The following CCM2 variants were observed in gnomAD, a reference collection of about 807,000 sequenced individuals.
CCM2 encodes CCM2 scaffold protein.
CCM2 carries 25 observed loss-of-function variants against 44.9 expected under a neutral mutation model. The observed-to-expected ratio is 0.56, with a 90% CI of 0.41 to 0.78. The LOEUF (loss-of-function observed/expected upper bound fraction) is 0.78, where lower values mean the gene tolerates loss of function less well. CCM2 is among the 30% of genes least tolerant of loss of function. CCM2 has a pLI of 0.00. For synonymous variants in CCM2, 219 were observed against 241.1 expected, an observed-to-expected ratio of 0.91 and a Z score of 0.85; for missense variants, 481 against 580.6, an observed-to-expected ratio of 0.83 and a Z score of 1.76.
intron 1 of CCM2, among the ~76,000 whole-genome samples, chr7:45,001,383 A>G (rs1252532234): frequency 1.3e-5 from 2 of 152,364 alleles, no homozygotes; most frequent in East Asian, 3.9e-4. Flanking sequence ...AAGATGTTTT[A>G]AGTCTGGAAA....
intron 1 of CCM2, among the ~76,000 whole-genome samples, chr7:45,016,475 G>A (rs1215229323): frequency 1.3e-5 from 2 of 151,028 alleles, no homozygotes; most frequent in African/African-American, 2.4e-5. Flanking sequence ...GATTACTGGC[G>A]CATGCCACCA....
intron 9 of CCM2, among the ~76,000 whole-genome samples, chr7:45,075,392 A>G (rs1799293023): frequency 6.6e-6 from 1 of 152,258 alleles, no homozygotes. Context: ...GGGTGCCAGC[A>G]GGTGGCTTTG....
At chr7:45,025,741 T>C (rs957631663) in intron 1 of CCM2, among the ~76,000 whole-genome samples, 1 of 152,184 alleles carries the variant, frequency 6.6e-6, no homozygotes, top group African/African-American at 2.4e-5. Context: ...TCCATATTGG[T>C]CAGTCTGGTC....
rs1034141440 is a variant in CCM2, at chr7:45,072,890, C to T, written c.803+107C>T. 8.2e-5 allele frequency: 76 copies of T among 929,216 alleles called. 1 individual carries two copies. Among genetic ancestry groups the T allele is most frequent in the Non-Finnish European group, 1.1e-4 (66 of 577,012 alleles). The allele number at this position is 929,216 out of a possible 1,614,324, so 57.6% of individuals were successfully genotyped here. The stretch of plus-strand genomic sequence containing the variant: ...GCTCCCCCATCTCAGCTCACCCTCG[C>T]TAAGCCATCCCCAGACCCACTGTAC... On this transcript the variant is annotated intron_variant, in intron 7 of 9. Transcript: ENST00000258781.
At chr7:45,058,711 G>A (rs1478565525) in intron 2 of CCM2, among the ~76,000 whole-genome samples, 2 of 151,984 alleles carry the variant, frequency 1.3e-5, no homozygotes, top group Non-Finnish European at 2.9e-5. Flanking sequence ...TTTGTCAAAT[G>A]CTTTTTCTAC....
chr7:45,060,973 C>G (rs1055645560), intron 2 of CCM2, among the ~76,000 whole-genome samples: 2 of 152,102 alleles, frequency 1.3e-5, no homozygotes, highest in Admixed American at 6.5e-5. Flanking sequence ...GTTAATAGGC[C>G]TTAGTGTGAG....
chr7:45,005,349 G>C (rs1795802835), intron 1 of CCM2, among the ~76,000 whole-genome samples: 1 of 152,226 alleles, frequency 6.6e-6, no homozygotes, highest in African/African-American at 2.4e-5. Context: ...GATTCAGAAA[G>C]CACATCAGAA....
At chr7:44,999,847 G>T (rs779870382), upstream of CCM2, 22 of 418,260 alleles carry the variant, frequency 5.3e-5, 1 homozygote, top group Middle Eastern at 7.7e-4. Context: ...AGCGAACAGG[G>T]GGCTGGACAG....
chr7:45,073,712 T>C (rs1404061076), intron 8 of CCM2, 141 bp downstream of exon 8: 1 of 628,610 alleles, frequency 1.6e-6, no homozygotes, highest in African/African-American at 1.8e-5. Context: ...TGGTCAATTT[T>C]GCTGACATCA....
intron 1 of CCM2, among the ~76,000 whole-genome samples, chr7:45,028,485 G>A (rs900255658): frequency 7.9e-5 from 12 of 151,944 alleles, no homozygotes; most frequent in African/African-American, 2.9e-4. Flanking sequence ...GTGAAACCCC[G>A]TCTATACTAA....
At chr7:45,038,232 C>A in intron 1 of CCM2, 21 bp from the exon 2 acceptor site, 1 of 1,613,466 alleles carries the variant, frequency 6.2e-7, no homozygotes, top group South Asian at 1.1e-5. Flanking sequence ...GAACTCCAAT[C>A]ATTGCCGTTT....
At chr7:45,031,208 C>T (rs1796949473) in intron 1 of CCM2, among the ~76,000 whole-genome samples, 1 of 151,316 alleles carries the variant, frequency 6.6e-6, no homozygotes, top group African/African-American at 2.4e-5. Flanking sequence ...CATGGTGAAA[C>T]CCCATCTCTA....
At position 45,051,341 on chromosome 7, in the gene CCM2, C is replaced by T. The variant is rs73694265; in HGVS notation, c.205-12577C>T. Among the ~76,000 whole-genome samples, 684 of 152,246 alleles carry T rather than the reference C, an allele frequency of 4.5e-3. 2 individuals are homozygous for T. Among genetic ancestry groups the T allele is most frequent in the African/African-American group, 0.016 (662 of 41,538 alleles). ...ATCCTTTCAGGGTGTCATCTCCCAG[C>T]TGGCCACAGCTCTATCAAGATGACA... On this transcript the variant is annotated intron_variant, in intron 2 of 9. Transcript: ENST00000258781.
chr7:45,000,136 GT>G (rs1441417724), upstream of CCM2: 1 of 155,040 alleles, frequency 6.4e-6, no homozygotes, highest in Non-Finnish European at 1.4e-5. Flanking sequence ...GCTGGGGAAG[GT>G]GGGGCCTGGG....
chr7:45,005,377 G>A (rs1356067239), intron 1 of CCM2, among the ~76,000 whole-genome samples: 1 of 152,206 alleles, frequency 6.6e-6, no homozygotes, highest in Non-Finnish European at 1.5e-5. Flanking sequence ...GGGCTGCTCT[G>A]AGCATCCTTT....
At chr7:45,033,071 A>T (rs1039065276) in intron 1 of CCM2, among the ~76,000 whole-genome samples, 6 of 149,116 alleles carry the variant, frequency 4.0e-5, no homozygotes, top group Non-Finnish European at 5.9e-5. Context: ...AAAAAAAAAA[A>T]GAGCAAAGGC....
chr7:45,027,110 GCA>G, intron 1 of CCM2: 1 of 167,990 alleles, frequency 6.0e-6, no homozygotes, highest in Admixed American at 5.5e-5. Context: ...GCAGGTAGAG[GCA>G]CTTGTAGGCT....
rs747460831 is a variant in CCM2 at position 45,069,977 on chromosome 7, G to A, written c.745+16G>A. ...CTGCACAGCGGTATGTTGAGTGAGA[G>A]TGGGCAGCGGGTGGGAGCAGGGACA... On this transcript the variant is annotated intron_variant, in intron 6 of 9. Transcript: ENST00000258781. The A allele has an allele frequency of 6.2e-7, 1 of 1,613,208 alleles. No individual in the cohort carries two copies. Among genetic ancestry groups the A allele is most frequent in the Non-Finnish European group, 8.5e-7 (1 of 1,179,968 alleles).
chr7:45,069,442 T>C (rs6967730), intron 5 of CCM2, among the ~76,000 whole-genome samples: 80,102 of 152,176 alleles, frequency 0.53, 22,562 homozygotes, highest in African/African-American at 0.74. Flanking sequence ...CTGTTAGAAA[T>C]GCCTCCAGGT....
Sources: allele counts gnomAD v4.1 joint callset (sites outside exome capture counted in the v4.1 genomes callset), GRCh38; gene constraint gnomAD v4.1.1; transcripts MANE v1.5; gene names NCBI Gene and HGNC (gene_info 2026-07-23, HGNC 2026-07-21).